The following HYAL4 variants were observed in gnomAD, a reference collection of about 807,000 sequenced individuals.
HYAL4 encodes hyaluronidase-4.
Under a neutral mutation model 35.2 loss-of-function variants are expected in HYAL4, and 37 were observed. That is an observed-to-expected ratio of 1.05 (90% CI 0.81 to 1.38). The LOEUF (loss-of-function observed/expected upper bound fraction) is 1.38. Ranked by LOEUF, HYAL4 falls within the 40% of genes most tolerant of loss-of-function variation. The pLI, the probability that HYAL4 is intolerant of heterozygous loss-of-function variation, is 0.00. For synonymous variants in HYAL4, 198 were observed against 203.2 expected, an observed-to-expected ratio of 0.97 and a Z score of 0.22; for missense variants, 572 against 572.4, an observed-to-expected ratio of 1.00 and a Z score of 0.01.
At chr7:123,780,449 G>T in the HYAL4 span, among the ~76,000 whole-genome samples, 6 of 152,144 alleles carry the variant, frequency 3.9e-5, no homozygotes, top group South Asian at 1.2e-3. Flanking sequence ...CTGACACATG[G>T]CTGTCACATA....
At chr7:123,842,686 T>C (rs1478714329), upstream of HYAL4, among the ~76,000 whole-genome samples, 1 of 152,032 alleles carries the variant, frequency 6.6e-6, no homozygotes, top group Non-Finnish European at 1.5e-5. Flanking sequence ...TGCTCCTGTA[T>C]TGGATGCATA....
At chr7:123,859,355 G>A (rs995366059) in intron 2 of HYAL4, among the ~76,000 whole-genome samples, 7 of 152,006 alleles carry the variant, frequency 4.6e-5, no homozygotes, top group South Asian at 2.1e-4. Context: ...ATAATTCACC[G>A]GTATTGTGCA....
At chr7:123,810,795 C>G in the HYAL4 span, among the ~76,000 whole-genome samples, 11 of 152,188 alleles carry the variant, frequency 7.2e-5, no homozygotes, top group Non-Finnish European at 1.2e-4. Context: ...TTCCACTGCT[C>G]TCCAAATCCA....
chr7:123,859,997 G>T (rs1033816277), intron 2 of HYAL4, among the ~76,000 whole-genome samples: 16 of 152,060 alleles, frequency 1.1e-4, no homozygotes, highest in Non-Finnish European at 2.1e-4. Context: ...CCCATATGTT[G>T]TGGGAGGGAC....
chr7:123,769,635 T>C, the HYAL4 span, among the ~76,000 whole-genome samples: 1 of 151,998 alleles, frequency 6.6e-6, no homozygotes. Context: ...CCTTCCAGCA[T>C]GGGGGAAACA....
At chr7:123,820,715 A>G in the HYAL4 span, among the ~76,000 whole-genome samples, 1 of 152,208 alleles carries the variant, frequency 6.6e-6, no homozygotes, top group Admixed American at 6.5e-5. Flanking sequence ...GATCTCTCGA[A>G]CTTGTTTATC....
the HYAL4 span, among the ~76,000 whole-genome samples, chr7:123,820,866 C>T: frequency 1.3e-5 from 2 of 152,166 alleles, no homozygotes; most frequent in South Asian, 2.1e-4. Context: ...ACGAGTTTGG[C>T]TATTTTAGAT....
the HYAL4 span, among the ~76,000 whole-genome samples, chr7:123,811,288 A>G: frequency 2.0e-5 from 3 of 152,214 alleles, no homozygotes; most frequent in Admixed American, 6.5e-5. Context: ...AAATAGCTGT[A>G]GCATTTTGCA....
At chr7:123,864,230 G>A (rs1011744361) in intron 2 of HYAL4, among the ~76,000 whole-genome samples, 17 of 152,278 alleles carry the variant, frequency 1.1e-4, no homozygotes, top group African/African-American at 4.1e-4. Flanking sequence ...TGGCTTTAAT[G>A]AGTATGTCAT....
the HYAL4 span, among the ~76,000 whole-genome samples, chr7:123,815,331 A>G: frequency 1.3e-5 from 2 of 152,334 alleles, no homozygotes; most frequent in East Asian, 3.9e-4. Flanking sequence ...ATTAATTTTA[A>G]CCAGAGAGAA....
chr7:123,800,652 C>T, the HYAL4 span, among the ~76,000 whole-genome samples: 1 of 149,650 alleles, frequency 6.7e-6, no homozygotes, highest in African/African-American at 2.5e-5. Context: ...ATTTTTTTCT[C>T]TCTTTTTTTT....
chr7:123,805,924 G>C, the HYAL4 span, among the ~76,000 whole-genome samples: 1 of 152,036 alleles, frequency 6.6e-6, no homozygotes, highest in Non-Finnish European at 1.5e-5. Context: ...AACCCGGGAG[G>C]TAGAGATTGC....
intron 1 of HYAL4, among the ~76,000 whole-genome samples, chr7:123,834,556 C>A (rs1412766688): frequency 6.6e-6 from 1 of 151,944 alleles, no homozygotes; most frequent in Non-Finnish European, 1.5e-5. Flanking sequence ...TCCTCTTTAC[C>A]GATTTGGATG....
chr7:123,824,020 CTT>C (rs1805765339), upstream of HYAL4, among the ~76,000 whole-genome samples: 2 of 152,086 alleles, frequency 1.3e-5, no homozygotes, highest in African/African-American at 4.8e-5. Flanking sequence ...ATAGCAATCT[CTT>C]TTCATTCAGT....
chr7:123,776,926 G>T, the HYAL4 span, among the ~76,000 whole-genome samples: 1 of 152,192 alleles, frequency 6.6e-6, no homozygotes, highest in Non-Finnish European at 1.5e-5. Flanking sequence ...GTTGGTGAAA[G>T]GATTGATTGA....
intron 2 of HYAL4, among the ~76,000 whole-genome samples, chr7:123,859,682 G>A (rs1381658771): frequency 2.0e-5 from 3 of 152,310 alleles, no homozygotes; most frequent in Admixed American, 6.5e-5. Context: ...CAAGTGAGAT[G>A]TAACTTTCTT....
chr7:123,835,854 A>G (rs889788654), intron 1 of HYAL4, among the ~76,000 whole-genome samples: 5 of 152,132 alleles, frequency 3.3e-5, no homozygotes, highest in Non-Finnish European at 7.4e-5. Context: ...ATTCAGGAGC[A>G]GGTTTAATTT....
rs373695946 is a variant in HYAL4, at chr7:123,829,111, G to C, written c.-270G>C. On this transcript the variant is annotated 5_prime_UTR_variant, in exon 1 of 5. Coordinates refer to the HYAL4 transcript ENST00000489978. ...CTGAGTCCTCCTTCTATCTGCATAT[G>C]CCTGAAAGCAGTGGTAAGAAATATG... 45 of 152,712 alleles carry C rather than the reference G, an allele frequency of 2.9e-4. 1 individual carries two copies. The highest frequency in any genetic ancestry group is 1.1e-3 in the African/African-American group (44 of 41,558). 9.5% of individuals were successfully genotyped at this position (152,712 alleles called of 1,614,324 possible).
Position 123,832,479 on chromosome 7 carries a change from CTTTTTTTTTTTTTTTTTTTTTTTT to C in HYAL4, c.-257+3370_-257+3393del, listed in dbSNP as rs71163703. Among the ~76,000 whole-genome samples the C allele has an allele frequency of 2.8e-4, 6 of 21,818 alleles. No homozygotes were observed. In the South Asian group the frequency reaches 5.4e-3, roughly 20 times the overall value. The allele number at this position is 21,818 out of a possible 152,430, so 14.3% of individuals were successfully genotyped here. A position where few individuals can be genotyped will look rare whatever the true frequency, so the allele number is the denominator to read the frequency against. Reference sequence around the variant, plus strand: ...AGTCCCCAAAGTCTATTGTGTCATACTTTTTTTTTTTTTTTTTTTTTTTTTTTTTTTTTTTTTTGAGACAGAGTC... The same window carrying C: ...AGTCCCCAAAGTCTATTGTGTCATACTTTTTTTTTTTTTTGAGACAGAGTC... On this transcript the variant is annotated intron_variant, in intron 1 of 4. Coordinates refer to the HYAL4 transcript ENST00000489978.
Sources: gnomAD v4.1 joint callset for allele counts (sites outside exome capture counted in the v4.1 genomes callset) on GRCh38, gnomAD v4.1.1 for gene constraint, MANE v1.5 for transcripts, NCBI Gene and HGNC (gene_info 2026-07-23, HGNC 2026-07-21) for gene names.